FEZ2: variants seen among roughly 807,000 people sequenced by gnomAD.
FEZ2 encodes the protein fasciculation and elongation protein zeta-2.
FEZ2 carries 51 observed loss-of-function variants against 40.4 expected under a neutral mutation model. The observed-to-expected ratio is 1.26, with a 90% CI of 1.01 to 1.59. The LOEUF (loss-of-function observed/expected upper bound fraction) is 1.59. FEZ2 is among the 40% of genes most tolerant of loss of function. The probability of loss-of-function intolerance (pLI) is 0.00; values close to 1 mark genes in which losing one functional copy is unlikely to be tolerated. For synonymous variants in FEZ2, 242 were observed against 172.0 expected (o/e 1.41, Z -3.18); for missense variants, 640 against 438.3 (o/e 1.46, Z -4.11).
At chr2:36,573,272 T>A (rs1668468064) in intron 5 of FEZ2, among the ~76,000 whole-genome samples, 1 of 152,198 alleles carries the variant, frequency 6.6e-6, no homozygotes, top group African/African-American at 2.4e-5. Flanking sequence ...TTCATACATA[T>A]AAGTTTACTA....
At chr2:36,564,872 T>C (rs548346719) in intron 5 of FEZ2, among the ~76,000 whole-genome samples, 2 of 152,346 alleles carry the variant, frequency 1.3e-5, no homozygotes, top group African/African-American at 4.8e-5. Flanking sequence ...CTCCTTTTTA[T>C]AAGATGTTAT....
intron 5 of FEZ2, among the ~76,000 whole-genome samples, chr2:36,562,726 T>C (rs1199623772): frequency 6.6e-6 from 1 of 152,234 alleles, no homozygotes; most frequent in Admixed American, 6.5e-5. Flanking sequence ...TTAAGCAGAT[T>C]ATCAAATGAG....
At chr2:36,592,977 G>C (rs1669112838) in intron 1 of FEZ2, among the ~76,000 whole-genome samples, 1 of 152,296 alleles carries the variant, frequency 6.6e-6, no homozygotes, top group East Asian at 1.9e-4. Flanking sequence ...CAGTGAAGTA[G>C]AATTAGAGGC....
chr2:36,593,270 C>G (rs907001716), intron 1 of FEZ2, among the ~76,000 whole-genome samples: 1 of 152,042 alleles, frequency 6.6e-6, no homozygotes, highest in African/African-American at 2.4e-5. Flanking sequence ...AAAGCAGAAA[C>G]CCCTGATAAA....
At chr2:36,555,586 C>T (rs1667937508) in intron 7 of FEZ2, 97 bp downstream of exon 7, 1 of 577,926 alleles carries the variant, frequency 1.7e-6, no homozygotes, top group African/African-American at 1.9e-5. Flanking sequence ...GAAAGTTGTG[C>T]ATTGGGAAGT....
intron 5 of FEZ2, among the ~76,000 whole-genome samples, chr2:36,570,133 G>C (rs959783268): frequency 7.2e-5 from 11 of 151,862 alleles, no homozygotes; most frequent in Non-Finnish European, 1.3e-4. Flanking sequence ...TATTATTTAA[G>C]ATGTAAAAGT....
At chr2:36,597,619 C>T (rs1478783981) in intron 1 of FEZ2, among the ~76,000 whole-genome samples, 2 of 152,200 alleles carry the variant, frequency 1.3e-5, no homozygotes, top group African/African-American at 4.8e-5. Context: ...CCTTCTAATA[C>T]AAACGAGGGT....
chr2:36,565,202 C>T (rs1382696779), intron 5 of FEZ2, among the ~76,000 whole-genome samples: 5 of 152,222 alleles, frequency 3.3e-5, no homozygotes, highest in African/African-American at 1.2e-4. Context: ...TTCCCTGGCT[C>T]AATTCTTACA....
At chr2:36,583,660 GAATA>G (rs1421477660) in intron 2 of FEZ2, among the ~76,000 whole-genome samples, 191 bp from the exon 3 acceptor site, 4 of 152,070 alleles carry the variant, frequency 2.6e-5, no homozygotes, top group African/African-American at 9.7e-5. Flanking sequence ...GAAGAATGTA[GAATA>G]AATATGAAAT....
intron 6 of FEZ2, 199 bp from the exon 7 acceptor site, chr2:36,555,947 A>T: frequency 1.5e-6 from 1 of 675,464 alleles, no homozygotes. Flanking sequence ...GTCCACAAGA[A>T]TTTATTTTCG....
intron 5 of FEZ2, among the ~76,000 whole-genome samples, chr2:36,566,854 G>A (rs374166783): frequency 2.0e-5 from 3 of 152,108 alleles, no homozygotes; most frequent in East Asian, 1.9e-4. Flanking sequence ...AACTTTAAAC[G>A]TCTTCTTATT....
At chr2:36,553,255 A>T (rs1326171088) in intron 7 of FEZ2, 76 bp from the exon 8 acceptor site, 15 of 1,064,788 alleles carry the variant, frequency 1.4e-5, no homozygotes, top group Non-Finnish European at 1.8e-5. Context: ...TTTTACATGT[A>T]CATTTAAAAA....
At chr2:36,578,997 G>A in intron 4 of FEZ2, 132 bp from the exon 5 acceptor site, 1 of 721,108 alleles carries the variant, frequency 1.4e-6, no homozygotes, top group Admixed American at 2.8e-5. Context: ...CATATTCCAA[G>A]CAATTAAATT....
chr2:36,591,249 C>T (rs529368667), intron 1 of FEZ2: 17 of 521,012 alleles, frequency 3.3e-5, no homozygotes, highest in African/African-American at 3.1e-4. Context: ...AGAAAACTGC[C>T]AATAGGCAGT....
intron 5 of FEZ2, among the ~76,000 whole-genome samples, chr2:36,566,117 T>C (rs911810718): frequency 1.3e-5 from 2 of 152,056 alleles, no homozygotes; most frequent in African/African-American, 2.4e-5. Context: ...AATAGTAGTA[T>C]AAGAAAAGTT....
Position 36,552,994 on chromosome 2 carries a change from T to C in FEZ2, c.*169A>G. ...ATTCAAAATAGTGCCCATATTTCCG[T>C]TGGTTCTATAATATAAAGAATTAGT... On this transcript the variant is annotated 3_prime_UTR_variant, in exon 8 of 8. Coordinates refer to ENST00000405912, the MANE Select transcript of FEZ2 (RefSeq NM_005102.3). The C allele has an allele frequency of 1.8e-6, 1 of 547,878 alleles. No individual in the cohort carries two copies. Among genetic ancestry groups the C allele is most frequent in the Non-Finnish European group, 3.3e-6 (1 of 302,728 alleles). 33.9% of individuals were successfully genotyped at this position (547,878 alleles called of 1,614,324 possible).
chr2:36,553,366 C>T (rs1413502455), intron 7 of FEZ2, among the ~76,000 whole-genome samples, 187 bp from the exon 8 acceptor site: 5 of 152,172 alleles, frequency 3.3e-5, no homozygotes, highest in Admixed American at 6.6e-5. Context: ...TCTCTCAACA[C>T]ACATTAGAAT....
At chr2:36,596,611 G>C (rs1223378619) in intron 1 of FEZ2, among the ~76,000 whole-genome samples, 1 of 152,130 alleles carries the variant, frequency 6.6e-6, no homozygotes, top group Admixed American at 6.5e-5. Flanking sequence ...CCACGGGCAT[G>C]CGCCACCGGA....
At position 36,558,490 on chromosome 2, in the gene FEZ2, A is replaced by C. The variant is rs1230368673; in HGVS notation, c.927T>G (p.Tyr309Ter). ...CAGACGGTGGTCCGTTTTTTTTCTCATAAGGAATGACTGTAGTCAAATACT... is the reference window on the plus strand; with the variant it reads ...CAGACGGTGGTCCGTTTTTTTTCTCCTAAGGAATGACTGTAGTCAAATACT... ...PGTYLTTVIP[Y>*]EKKNGPPSVE... The change falls in exon 6 of 8, where the codon TAT (tyrosine) becomes TAG (stop). Residue 309 changes from tyrosine (Y) to a stop codon, truncating the protein, a stop_gained. Transcript: ENST00000405912. LOFTEE classifies it high-confidence loss of function. 30 of 1,523,732 alleles carry C rather than the reference A, an allele frequency of 2.0e-5. No individual in the cohort carries two copies. The highest frequency in any genetic ancestry group is 2.7e-5 in the Non-Finnish European group (30 of 1,131,622). 94.4% of individuals were successfully genotyped at this position (1,523,732 alleles called of 1,614,324 possible). A position where few individuals can be genotyped will look rare whatever the true frequency, so the allele number is the denominator to read the frequency against.
Sources: allele counts gnomAD v4.1 joint callset (sites outside exome capture counted in the v4.1 genomes callset), GRCh38; gene constraint gnomAD v4.1.1; transcripts MANE v1.5; gene names NCBI Gene and HGNC (gene_info 2026-07-23, HGNC 2026-07-21).